TMEM232: variants seen among roughly 807,000 people sequenced by gnomAD.
The protein encoded by TMEM232 is transmembrane protein 232.
TMEM232 carries 80 observed loss-of-function variants against 78.8 expected under a neutral mutation model. The ratio of observed to expected loss-of-function variants is 1.01; its 90% CI spans 0.85 to 1.22. The LOEUF (loss-of-function observed/expected upper bound fraction) is 1.22. Among genes scored for constraint, TMEM232 ranks in the 50% most tolerant of loss-of-function variants. The pLI is 0.00. For synonymous variants in TMEM232, 297 were observed against 254.3 expected, an observed-to-expected ratio of 1.17 and a Z score of -1.60; for missense variants, 881 against 742.2, an observed-to-expected ratio of 1.19 and a Z score of -2.17.
At chr5:110,593,318 C>T (rs773801055) in intron 10 of TMEM232, among the ~76,000 whole-genome samples, 49 of 152,154 alleles carry the variant, frequency 3.2e-4, no homozygotes, top group Non-Finnish European at 6.3e-4. Context: ...GACAAAATGT[C>T]TTCCAAGAAT....
rs373614104 is a variant in TMEM232, at chr5:110,637,461, C to A, written c.501+737G>T. 4.6e-5 allele frequency among the ~76,000 whole-genome samples: 7 copies of A among 151,864 alleles called. 1 individual carries two copies. The highest frequency in any genetic ancestry group is 3.9e-4 in the East Asian group (2 of 5,162). ...ATGTTCAACTGATGGACTGATTCAT[C>A]AATGTTCTCTCATGCTCGATTTCTA... is the stretch of plus-strand genomic sequence containing the variant. On this transcript the variant is annotated intron_variant, in intron 5 of 13. Transcript: ENST00000455884.
chr5:110,467,858 CAAGATTCT>C (rs1362912647), intron 12 of TMEM232, among the ~76,000 whole-genome samples: 1 of 151,946 alleles, frequency 6.6e-6, no homozygotes, highest in South Asian at 2.1e-4. Flanking sequence ...TTCTTCTATC[CAAGATTCT>C]AGTCTAGCAG....
chr5:110,693,844 T>C (rs1325639476), intron 1 of TMEM232, among the ~76,000 whole-genome samples: 1 of 152,132 alleles, frequency 6.6e-6, no homozygotes, highest in East Asian at 1.9e-4. Context: ...TACCTGAAAG[T>C]GACGGGGAGA....
At chr5:110,394,312 C>T (rs991090841) in intron 3 of TMEM232, among the ~76,000 whole-genome samples, 1 of 152,216 alleles carries the variant, frequency 6.6e-6, no homozygotes, top group African/African-American at 2.4e-5. Context: ...CATGGTACTC[C>T]ATTGTGTATA....
At chr5:110,609,136 G>A (rs532880236) in intron 8 of TMEM232, among the ~76,000 whole-genome samples, 25 of 152,048 alleles carry the variant, frequency 1.6e-4, no homozygotes, top group African/African-American at 6.0e-4. Context: ...ATTTTTAAAT[G>A]GAATTAAAAT....
intron 12 of TMEM232, among the ~76,000 whole-genome samples, chr5:110,450,591 T>C (rs1403698504): frequency 6.6e-6 from 1 of 152,126 alleles, no homozygotes; most frequent in Non-Finnish European, 1.5e-5. Context: ...TTAATCAAAA[T>C]ATTTAACAAC....
At chr5:110,598,657 T>A (rs1341736503) in intron 10 of TMEM232, among the ~76,000 whole-genome samples, 2 of 151,852 alleles carry the variant, frequency 1.3e-5, no homozygotes, top group Admixed American at 6.6e-5. Context: ...GTGGCACATA[T>A]ACACCATGGA....
At chr5:110,697,832 G>A (rs1794977571) in intron 1 of TMEM232, among the ~76,000 whole-genome samples, 2 of 152,180 alleles carry the variant, frequency 1.3e-5, no homozygotes, top group African/African-American at 4.8e-5. Context: ...CTTTTACACT[G>A]TTGGTGGGAC....
chr5:110,442,213 A>C (rs1488599), intron 12 of TMEM232, among the ~76,000 whole-genome samples: 24,886 of 151,696 alleles, frequency 0.16, 2,901 homozygotes, highest in East Asian at 0.33. Flanking sequence ...TTCTACCCCT[A>C]TCTCTTTTTC....
chr5:110,657,384 AGTGTGT>A (rs56213934), intron 2 of TMEM232, among the ~76,000 whole-genome samples: 1 of 149,214 alleles, frequency 6.7e-6, no homozygotes, highest in Non-Finnish European at 1.5e-5. Context: ...TATCTATCTG[AGTGTGT>A]GTGTGTGTGT....
intron 2 of TMEM232, among the ~76,000 whole-genome samples, chr5:110,413,102 A>G (rs1185175863): frequency 6.6e-6 from 1 of 152,098 alleles, no homozygotes; most frequent in Non-Finnish European, 1.5e-5. Flanking sequence ...TTAACATTTG[A>G]GTCAGTGGAC....
At chr5:110,495,219 C>T (rs756928257) in intron 12 of TMEM232, among the ~76,000 whole-genome samples, 26 of 151,568 alleles carry the variant, frequency 1.7e-4, no homozygotes, top group African/African-American at 5.8e-4. Flanking sequence ...AAAGTAGCTC[C>T]GCCTTATCTA....
intron 1 of TMEM232, among the ~76,000 whole-genome samples, chr5:110,719,207 GTGTATATA>G (rs1797334621): frequency 1.3e-5 from 2 of 151,690 alleles, no homozygotes; most frequent in African/African-American, 4.8e-5. Flanking sequence ...GTATATATAT[GTGTATATA>G]TGTATATATG....
chr5:110,521,786 C>T (rs924726599), intron 12 of TMEM232, among the ~76,000 whole-genome samples: 12 of 152,208 alleles, frequency 7.9e-5, no homozygotes, highest in African/African-American at 2.9e-4. Flanking sequence ...GAATTTATTT[C>T]TGGTCCCTCT....
chr5:110,599,472 G>A (rs538803006), intron 10 of TMEM232, among the ~76,000 whole-genome samples: 7 of 152,054 alleles, frequency 4.6e-5, no homozygotes, highest in African/African-American at 1.4e-4. Context: ...AGGAATGGAG[G>A]AACATTTACC....
In TMEM232 at chr5:110,497,827, C is replaced by T. The variant is rs554670047; in HGVS notation, c.1703+30761G>A. Among the ~76,000 whole-genome samples the T allele has an allele frequency of 2.0e-5, 3 of 152,166 alleles. No homozygotes were observed. In the East Asian group the frequency reaches 5.8e-4, roughly 29 times the overall value. On this transcript the variant is annotated intron_variant, in intron 12 of 13. Transcript: ENST00000455884. Reference sequence around the variant, plus strand: ...TAAGATAAAGTGAAGGGAATGAGAACAAATTTAAGTGATTGGATGAGGCCA... The same window carrying T: ...TAAGATAAAGTGAAGGGAATGAGAATAAATTTAAGTGATTGGATGAGGCCA...
chr5:110,396,807 C>A (rs1422259124), intron 3 of TMEM232, among the ~76,000 whole-genome samples: 1 of 152,128 alleles, frequency 6.6e-6, no homozygotes, highest in Non-Finnish European at 1.5e-5. Flanking sequence ...ACATAGTTAA[C>A]AGAATGAATT....
At chr5:110,596,234 A>G (rs190573070) in intron 10 of TMEM232, among the ~76,000 whole-genome samples, 13,782 of 152,218 alleles carry the variant, frequency 0.091, 639 homozygotes, top group Admixed American at 0.13. Context: ...TACTACAAAC[A>G]CCTCTATGCA....
rs1293031499 is a variant in TMEM232 at position 110,674,658 on chromosome 5, T to C, written c.-12-7294A>G. Among the ~76,000 whole-genome samples the C allele has an allele frequency of 3.8e-4, 58 of 152,304 alleles. 1 individual carries two copies. Among genetic ancestry groups the C allele is most frequent in the Admixed American group, 3.8e-3 (58 of 15,296 alleles). ...GGCTGTAGCCAATAGCACTTTATAT[T>C]GCTAAGACTAAAAAGACATAGTTAA... On this transcript the variant is annotated intron_variant, in intron 1 of 13. Transcript: ENST00000455884.
Sources: gnomAD v4.1 joint callset for allele counts (sites outside exome capture counted in the v4.1 genomes callset) on GRCh38, gnomAD v4.1.1 for gene constraint, MANE v1.5 for transcripts, NCBI Gene and HGNC (gene_info 2026-07-23, HGNC 2026-07-21) for gene names.